Variants in CTIF observed in about 807,000 individuals in gnomAD.
The protein encoded by CTIF is CBP80/20-dependent translation initiation factor.
Under a neutral mutation model 66.0 loss-of-function variants are expected in CTIF, and 21 were observed. The observed-to-expected ratio is 0.32, with a 90% CI of 0.23 to 0.46. CTIF has a LOEUF of 0.46. CTIF is among the 20% of genes least tolerant of loss of function. The probability of loss-of-function intolerance (pLI) is 1.00; values close to 1 mark genes in which losing one functional copy is unlikely to be tolerated. For synonymous variants in CTIF, 345 were observed against 326.4 expected, an observed-to-expected ratio of 1.06 and a Z score of -0.62; for missense variants, 739 against 812.7, an observed-to-expected ratio of 0.91 and a Z score of 1.10.
At chr18:48,623,846 A>AGGATGGATGGAT (rs529662129) in intron 2 of CTIF, among the ~76,000 whole-genome samples, 15 of 150,732 alleles carry the variant, frequency 1.0e-4, no homozygotes, top group African/African-American at 3.7e-4. Context: ...AAAGAAATGA[A>AGGATGGATGGAT]GGATGGATGG....
At chr18:48,556,626 G>A (rs1042617360) in intron 1 of CTIF, among the ~76,000 whole-genome samples, 9 of 151,922 alleles carry the variant, frequency 5.9e-5, no homozygotes, top group East Asian at 1.9e-4. Flanking sequence ...GTGCAGTGGC[G>A]CAGTCTCAGC....
chr18:48,724,806 C>G (rs562844305), intron 7 of CTIF, among the ~76,000 whole-genome samples: 1 of 152,326 alleles, frequency 6.6e-6, no homozygotes, highest in African/African-American at 2.4e-5. Flanking sequence ...TCCTGAGTCA[C>G]CTCAGCAGGT....
intron 6 of CTIF, among the ~76,000 whole-genome samples, chr18:48,677,995 A>G (rs901192446): frequency 2.6e-5 from 4 of 152,216 alleles, no homozygotes; most frequent in African/African-American, 9.7e-5. Flanking sequence ...CTGAGCTCAA[A>G]TACCTTGCCT....
At chr18:48,592,629 T>C (rs118115683) in intron 1 of CTIF, among the ~76,000 whole-genome samples, 1,720 of 151,976 alleles carry the variant, frequency 0.011, 11 homozygotes, top group Non-Finnish European at 0.018. Flanking sequence ...TCAAGTGCAG[T>C]GAGTGGATTA....
At chr18:48,772,368 C>T (rs1910234230) in intron 9 of CTIF, among the ~76,000 whole-genome samples, 1 of 152,006 alleles carries the variant, frequency 6.6e-6, no homozygotes, top group Non-Finnish European at 1.5e-5. Context: ...GTGCACAGTT[C>T]AGCAGTACCC....
At chr18:48,640,365 C>T (rs776368221) in intron 3 of CTIF, among the ~76,000 whole-genome samples, 1 of 152,222 alleles carries the variant, frequency 6.6e-6, no homozygotes, top group Non-Finnish European at 1.5e-5. Flanking sequence ...CCACTTCTGG[C>T]CTAGGGCCTT....
chr18:48,852,536 G>A (rs191734534), intron 10 of CTIF, among the ~76,000 whole-genome samples: 39 of 152,260 alleles, frequency 2.6e-4, no homozygotes, highest in East Asian at 1.7e-3. Context: ...GAGGGAGACC[G>A]TTGCCTGTGG....
chr18:48,810,236 A>G (rs1166364167), intron 9 of CTIF, among the ~76,000 whole-genome samples: 3 of 152,116 alleles, frequency 2.0e-5, no homozygotes, highest in African/African-American at 7.2e-5. Context: ...CAAGGGCTCA[A>G]TATATTGTCA....
chr18:48,754,349 G>A (rs1005088004), intron 7 of CTIF, among the ~76,000 whole-genome samples: 4 of 152,148 alleles, frequency 2.6e-5, no homozygotes, highest in African/African-American at 9.7e-5. Context: ...GCCCTCTGCT[G>A]TAGGAGTGCA....
chr18:48,600,513 C>G lies in CTIF; in HGVS notation c.-28-19025C>G, dbSNP rs570886128. Among the ~76,000 whole-genome samples, 10 of 152,190 alleles carry G rather than the reference C, an allele frequency of 6.6e-5. No homozygotes were observed. The South Asian group carries it at 1.9e-3, about 28-fold the overall frequency. On this transcript the variant is annotated intron_variant, in intron 1 of 11. Coordinates refer to ENST00000256413, the MANE Select transcript of CTIF (RefSeq NM_014772.3). ...ACTCTGGGGATGTCCTTGAGCAGAG[C>G]CCATCTCTCATTCGCCTTGGTATCC...
intron 7 of CTIF, 65 bp from the exon 8 acceptor site, chr18:48,757,854 G>A (rs1437223302): frequency 6.5e-7 from 1 of 1,545,340 alleles, no homozygotes; most frequent in East Asian, 2.3e-5. Flanking sequence ...CTGGCGGCTG[G>A]GCACAGGGAC....
chr18:48,539,511 C>G (rs2088553437), intron 1 of CTIF, 199 bp downstream of exon 1: 1 of 152,456 alleles, frequency 6.6e-6, no homozygotes, highest in Admixed American at 6.5e-5. Context: ...TCCCCTCCTC[C>G]CCCTCGGTGG....
chr18:48,689,509 C>A (rs2091895617), intron 6 of CTIF, among the ~76,000 whole-genome samples: 1 of 152,170 alleles, frequency 6.6e-6, no homozygotes, highest in African/African-American at 2.4e-5. Context: ...AGAGAACCCT[C>A]CGCTGAAGGG....
In CTIF at chr18:48,860,082, C is replaced by T. The variant is rs1366113050; in HGVS notation, c.*523C>T. The T allele has an allele frequency of 1.5e-5, 6 of 387,162 alleles. No individual in the cohort carries two copies. The highest frequency in any genetic ancestry group is 5.1e-4 in the Middle Eastern group (1 of 1,944). The allele number at this position is 387,162 out of a possible 1,614,324, so 24.0% of individuals were successfully genotyped here. ...ATGTCCGGGAGGACAAAGGCAGGCA[C>T]GGTCCCCACCAGCCGCCCGTAATTG... On this transcript the variant is annotated 3_prime_UTR_variant, in exon 12 of 12. Coordinates refer to ENST00000256413, the MANE Select transcript of CTIF (RefSeq NM_014772.3).
At chr18:48,752,604 C>G (rs1406485652) in intron 7 of CTIF, among the ~76,000 whole-genome samples, 1 of 152,162 alleles carries the variant, frequency 6.6e-6, no homozygotes, top group Non-Finnish European at 1.5e-5. Flanking sequence ...CTCATGTAAT[C>G]CTTACAACTG....
intron 9 of CTIF, among the ~76,000 whole-genome samples, chr18:48,769,577 A>AG (rs1023901374): frequency 3.9e-5 from 6 of 152,226 alleles, no homozygotes; most frequent in Non-Finnish European, 8.8e-5. Context: ...CTGGCATCAC[A>AG]GGAGGCCAGC....
At chr18:48,754,172 C>T (rs975663324) in intron 7 of CTIF, among the ~76,000 whole-genome samples, 4 of 152,146 alleles carry the variant, frequency 2.6e-5, no homozygotes, top group Non-Finnish European at 5.9e-5. Flanking sequence ...GTCTCAGTGG[C>T]CATTCAGCCC....
intron 1 of CTIF, among the ~76,000 whole-genome samples, chr18:48,606,633 C>T (rs1434203963): frequency 6.6e-6 from 1 of 152,184 alleles, no homozygotes; most frequent in Non-Finnish European, 1.5e-5. Context: ...TTCCAATGCC[C>T]ACTCCAGGAG....
At chr18:48,832,878 G>A (rs140408989) in intron 10 of CTIF, among the ~76,000 whole-genome samples, 5 of 152,350 alleles carry the variant, frequency 3.3e-5, no homozygotes, top group African/African-American at 7.2e-5. Context: ...TGAACAGTAG[G>A]TACAGCTCCA....
Sources: allele counts gnomAD v4.1 joint callset (sites outside exome capture counted in the v4.1 genomes callset), GRCh38; gene constraint gnomAD v4.1.1; transcripts MANE v1.5; gene names NCBI Gene and HGNC (gene_info 2026-07-23, HGNC 2026-07-21).